Variants in ZFYVE9 observed in about 807,000 individuals in gnomAD.
The protein encoded by ZFYVE9 is zinc finger FYVE-type containing 9, also known as zinc finger FYVE domain-containing protein 9.
A neutral mutation model predicts 126.7 loss-of-function variants in ZFYVE9; 43 were observed. That is an observed-to-expected ratio of 0.34 (90% confidence interval 0.27 to 0.44). ZFYVE9 has a LOEUF of 0.44. Among genes scored for constraint, ZFYVE9 ranks in the 20% least tolerant of loss-of-function variants. The pLI, the probability that ZFYVE9 is intolerant of heterozygous loss-of-function variation, is 1.00. For synonymous variants in ZFYVE9, 521 were observed against 597.4 expected, an observed-to-expected ratio of 0.87 and a Z score of 1.87; for missense variants, 1,476 against 1,697.0, an observed-to-expected ratio of 0.87 and a Z score of 2.29.
intron 17 of ZFYVE9, among the ~76,000 whole-genome samples, chr1:52,343,773 ATAAAG>A (rs1646461237): frequency 6.7e-6 from 1 of 150,138 alleles, no homozygotes; most frequent in Non-Finnish European, 1.5e-5. Flanking sequence ...CAAAAAAAAA[ATAAAG>A]TAAGTCCTTT....
chr1:52,264,305 T>A (rs1645612356), intron 5 of ZFYVE9, among the ~76,000 whole-genome samples: 1 of 152,230 alleles, frequency 6.6e-6, no homozygotes, highest in African/African-American at 2.4e-5. Context: ...AACACCTTGT[T>A]TCATTCATCT....
At chr1:52,183,490 C>T (rs1644733834) in intron 1 of ZFYVE9, among the ~76,000 whole-genome samples, 1 of 152,102 alleles carries the variant, frequency 6.6e-6, no homozygotes. Flanking sequence ...TAATTTTATT[C>T]AAAATTATTT....
chr1:52,174,890 A>T (rs867006698), intron 1 of ZFYVE9, among the ~76,000 whole-genome samples: 15 of 152,154 alleles, frequency 9.9e-5, no homozygotes, highest in Middle Eastern at 3.4e-3. Flanking sequence ...TTTTGAGCCT[A>T]TGTGTGTCTG....
intron 13 of ZFYVE9, among the ~76,000 whole-genome samples, chr1:52,316,709 A>G (rs1231387455): frequency 1.3e-5 from 2 of 152,232 alleles, no homozygotes; most frequent in Non-Finnish European, 2.9e-5. Flanking sequence ...GAGAACTGGT[A>G]AAACAAAAGG....
At chr1:52,297,288 G>T (rs147385511) in intron 12 of ZFYVE9, among the ~76,000 whole-genome samples, 1,830 of 151,032 alleles carry the variant, frequency 0.012, 34 homozygotes, top group African/African-American at 0.043. Flanking sequence ...TGTTGTCCAG[G>T]CTGGAGTGCA....
At chr1:52,248,743 T>C (rs1645415219) in intron 4 of ZFYVE9, among the ~76,000 whole-genome samples, 1 of 152,240 alleles carries the variant, frequency 6.6e-6, no homozygotes, top group Non-Finnish European at 1.5e-5. Context: ...TACAAGCATC[T>C]GTTTGAGTCC....
intron 13 of ZFYVE9, among the ~76,000 whole-genome samples, chr1:52,332,330 A>G (rs1037858139): frequency 5.3e-5 from 8 of 152,142 alleles, no homozygotes; most frequent in Non-Finnish European, 1.0e-4. Flanking sequence ...TTTGAATTTC[A>G]TATGTTTTTA....
intron 1 of ZFYVE9, among the ~76,000 whole-genome samples, chr1:52,165,417 A>G (rs1313643286): frequency 6.6e-6 from 1 of 152,178 alleles, no homozygotes; most frequent in East Asian, 1.9e-4. Flanking sequence ...AGGAAGGGGA[A>G]GGATAATAGG....
intron 13 of ZFYVE9, among the ~76,000 whole-genome samples, chr1:52,324,123 A>G (rs1386005159): frequency 2.6e-5 from 4 of 151,962 alleles, no homozygotes; most frequent in Non-Finnish European, 5.9e-5. Flanking sequence ...AGTGGTACAT[A>G]GCTATAGTCT....
intron 1 of ZFYVE9, among the ~76,000 whole-genome samples, chr1:52,199,319 T>C (rs1644901227): frequency 6.6e-6 from 1 of 152,108 alleles, no homozygotes; most frequent in South Asian, 2.1e-4. Flanking sequence ...CGCCTCGGCT[T>C]CCCGAAGTGC....
intron 4 of ZFYVE9, among the ~76,000 whole-genome samples, chr1:52,255,583 CAAAAAAA>C (rs753995875): frequency 6.8e-5 from 5 of 73,788 alleles, no homozygotes; most frequent in African/African-American, 9.6e-5. Context: ...AAAACCATCT[CAAAAAAA>C]AAAAAAAAAA....
intron 12 of ZFYVE9, 33 bp from the exon 13 acceptor site, chr1:52,303,784 GAATT>G: frequency 7.4e-7 from 1 of 1,355,708 alleles, no homozygotes; most frequent in Non-Finnish European, 1.0e-6. Flanking sequence ...TACCATTGAT[GAATT>G]AATTTATTCT....
Position 52,263,753 on chromosome 1 carries a change from T to TTCCCCCCCCCCCC in ZFYVE9, c.2179-20_2179-19insTCCCCCCCCCCCC. 1 of 713,092 alleles carries TTCCCCCCCCCCCC rather than the reference T, an allele frequency of 1.4e-6. No homozygotes were observed. Among genetic ancestry groups the TTCCCCCCCCCCCC allele is most frequent in the Non-Finnish European group, 2.0e-6 (1 of 490,714 alleles). 44.2% of individuals were successfully genotyped at this position (713,092 alleles called of 1,614,324 possible). A position where few individuals can be genotyped will look rare whatever the true frequency, so the allele number is the denominator to read the frequency against. ...ATCCCAAGTAAATTTTGTGTGTTCTTCCCCCCCCCCCCCCCACAGGTTTTC... is the reference window on the plus strand; with the variant it reads ...ATCCCAAGTAAATTTTGTGTGTTCTTTCCCCCCCCCCCCCCCCCCCCCCCCCCCACAGGTTTTC... On this transcript the variant is annotated intron_variant, in intron 4 of 18. Coordinates refer to ENST00000287727, the MANE Select transcript of ZFYVE9 (RefSeq NM_004799.4).
rs970421428 is a variant in ZFYVE9, at chr1:52,142,152, C to A, written c.-394C>A. ...CGCACCTCGGTCGTCCCGCCGCAGC[C>A]TTGCGCCCCCGGCCCGGCTCGGCGG... On this transcript the variant is annotated 5_prime_UTR_variant, in exon 1 of 19. Coordinates refer to ENST00000287727, the MANE Select transcript of ZFYVE9 (RefSeq NM_004799.4). This position sits in a 1 kb window ranked among gnomAD's most constrained non-coding sequence, Gnocchi z 4.5. The A allele has an allele frequency of 6.6e-6, 1 of 151,368 alleles. No individual in the cohort carries two copies. Among genetic ancestry groups the A allele is most frequent in the Non-Finnish European group, 1.5e-5 (1 of 67,752 alleles). 9.4% of individuals were successfully genotyped at this position (151,368 alleles called of 1,614,324 possible). A position where few individuals can be genotyped will look rare whatever the true frequency, so the allele number is the denominator to read the frequency against.
intron 1 of ZFYVE9, chr1:52,179,860 C>A: frequency 1.4e-6 from 1 of 711,004 alleles, no homozygotes; most frequent in Non-Finnish European, 2.6e-6. Flanking sequence ...AGGACCCCAA[C>A]GCAGACACTG....
chr1:52,291,885 CAA>C (rs1171027696), intron 10 of ZFYVE9, among the ~76,000 whole-genome samples: 6 of 58,738 alleles, frequency 1.0e-4, no homozygotes, highest in Non-Finnish European at 7.4e-5. Flanking sequence ...GACTCTGTCT[CAA>C]AAAAAAAAAA....
At chr1:52,187,607 A>G (rs1460845507) in intron 1 of ZFYVE9, among the ~76,000 whole-genome samples, 1 of 152,206 alleles carries the variant, frequency 6.6e-6, no homozygotes, top group African/African-American at 2.4e-5. Flanking sequence ...AAACAAATTT[A>G]TGAGAGAAAA....
intron 4 of ZFYVE9, among the ~76,000 whole-genome samples, chr1:52,247,701 TAGTC>T (rs941833985): frequency 3.9e-5 from 6 of 152,156 alleles, no homozygotes; most frequent in African/African-American, 1.4e-4. Context: ...TTCGCCATGT[TAGTC>T]AGGCTGGTCT....
intron 1 of ZFYVE9, among the ~76,000 whole-genome samples, chr1:52,147,043 A>T (rs1375053728): frequency 6.6e-6 from 1 of 152,168 alleles, no homozygotes; most frequent in African/African-American, 2.4e-5. Flanking sequence ...ACTTTGTTTC[A>T]TGTACAAAAT....
Sources: gnomAD v4.1 joint callset for allele counts (sites outside exome capture counted in the v4.1 genomes callset) on GRCh38, gnomAD v4.1.1 for gene constraint, Gnocchi (gnomAD v3.1) non-coding constraint, MANE v1.5 for transcripts, NCBI Gene and HGNC (gene_info 2026-07-23, HGNC 2026-07-21) for gene names.